Variants in QRICH1 observed in about 807,000 individuals in gnomAD.
QRICH1 encodes the protein glutamine rich 1, also known as transcriptional regulator QRICH1.
A neutral mutation model predicts 87.1 loss-of-function variants in QRICH1; 16 were observed. The observed-to-expected ratio is 0.18, with a 90% CI of 0.12 to 0.28. QRICH1 has a LOEUF of 0.28. Ranked by LOEUF, QRICH1 falls within the 10% of genes least tolerant of loss-of-function variation. QRICH1 has a pLI of 1.00. For missense variants in QRICH1, 647 were observed against 951.7 expected (o/e 0.68, Z 4.21); for synonymous variants, 367 against 368.4 (o/e 1.00, Z 0.05).
chr3:49,032,315 A>G (rs1376518580), intron 8 of QRICH1, 42 bp from the exon 9 acceptor site: 1 of 1,498,122 alleles, frequency 6.7e-7, no homozygotes, highest in African/African-American at 1.4e-5. Context: ...CTGGCATCAG[A>G]CTGCCTTACC....
intron 1 of QRICH1, among the ~76,000 whole-genome samples, chr3:49,082,951 G>A (rs75277505): frequency 6.6e-6 from 1 of 151,104 alleles, no homozygotes; most frequent in East Asian, 1.9e-4. Flanking sequence ...TGTAATCCTA[G>A]CACTATGGAC....
chr3:49,078,142 T>C (rs1003142633), intron 1 of QRICH1, among the ~76,000 whole-genome samples: 1 of 152,174 alleles, frequency 6.6e-6, no homozygotes, highest in African/African-American at 2.4e-5. Flanking sequence ...CAATTCTGAA[T>C]GTCTGGAAAG....
intron 2 of QRICH1, among the ~76,000 whole-genome samples, chr3:49,072,006 T>C (rs1239550498): frequency 6.6e-6 from 1 of 152,150 alleles, no homozygotes; most frequent in Non-Finnish European, 1.5e-5. Flanking sequence ...CTTCTTTTAC[T>C]TAACCTTTCC....
At chr3:49,060,594 T>G (rs1425516772) in intron 2 of QRICH1, among the ~76,000 whole-genome samples, 2 of 152,098 alleles carry the variant, frequency 1.3e-5, no homozygotes, top group African/African-American at 4.8e-5. Flanking sequence ...CCTCCCAAAG[T>G]GCTGGGATTA....
intron 2 of QRICH1, among the ~76,000 whole-genome samples, chr3:49,068,319 T>C (rs1162734414): frequency 6.6e-6 from 1 of 152,004 alleles, no homozygotes; most frequent in Non-Finnish European, 1.5e-5. Flanking sequence ...ATTGTGCCAC[T>C]CTACTCTGTA....
intron 9 of QRICH1, 86 bp from the exon 10 acceptor site, chr3:49,030,730 A>C: frequency 8.4e-7 from 1 of 1,187,164 alleles, no homozygotes; most frequent in Non-Finnish European, 1.2e-6. Flanking sequence ...TGCTGTCTGC[A>C]AACAGTAAGG....
In QRICH1 at chr3:49,080,033, A is replaced by AC. The variant is rs1439443859; in HGVS notation, c.-21-2996_-21-2995insG. 1.3e-5 allele frequency among the ~76,000 whole-genome samples: 2 copies of AC among 151,754 alleles called. 1 individual carries two copies. The stretch of plus-strand genomic sequence containing the variant: ...GCCAGACTGAGACTCTATCTCAAAA[A>AC]AAAAAAAAAAGGCATCTTTCATAAT... On this transcript the variant is annotated intron_variant, in intron 1 of 9. Coordinates refer to ENST00000395443, the MANE Select transcript of QRICH1 (RefSeq NM_198880.3).
At chr3:49,032,348 AG>A in intron 8 of QRICH1, 75 bp from the exon 9 acceptor site, 4 of 1,063,310 alleles carry the variant, frequency 3.8e-6, no homozygotes, top group Non-Finnish European at 5.7e-6. Context: ...CAGGAAACTT[AG>A]GCTTTCAGCC....
chr3:49,083,796 CT>C (rs1315081636), intron 1 of QRICH1, among the ~76,000 whole-genome samples: 3 of 151,360 alleles, frequency 2.0e-5, no homozygotes, highest in Non-Finnish European at 4.4e-5. Context: ...AGGTGTGGTG[CT>C]GCATACCTGT....
chr3:49,036,750 T>C (rs1026213824), intron 6 of QRICH1, among the ~76,000 whole-genome samples: 3 of 151,362 alleles, frequency 2.0e-5, no homozygotes, highest in African/African-American at 7.3e-5. Context: ...TATACCATCA[T>C]GAACCCAAAG....
intron 1 of QRICH1, among the ~76,000 whole-genome samples, chr3:49,086,250 TTTTTC>T (rs2042164198): frequency 2.0e-5 from 3 of 149,230 alleles, no homozygotes; most frequent in African/African-American, 5.1e-5. Context: ...TATCTCCCTC[TTTTTC>T]TTTTTCTTTT....
At chr3:49,061,387 A>C (rs2093433932) in intron 2 of QRICH1, among the ~76,000 whole-genome samples, 1 of 152,126 alleles carries the variant, frequency 6.6e-6, no homozygotes, top group Non-Finnish European at 1.5e-5. Context: ...AACCTGGATG[A>C]CATGTTTCTG....
At chr3:49,052,566 C>A (rs972722278) in intron 3 of QRICH1, among the ~76,000 whole-genome samples, 1 of 152,150 alleles carries the variant, frequency 6.6e-6, no homozygotes, top group Non-Finnish European at 1.5e-5. Flanking sequence ...AGTGCAGTGG[C>A]GCGATCTCGG....
chr3:49,077,981 A>G (rs2041983979), intron 1 of QRICH1, among the ~76,000 whole-genome samples: 1 of 152,194 alleles, frequency 6.6e-6, no homozygotes, highest in Non-Finnish European at 1.5e-5. Flanking sequence ...CATCTGAGGG[A>G]AAAGTGTGCA....
intron 6 of QRICH1, among the ~76,000 whole-genome samples, chr3:49,034,771 T>C (rs193035732): frequency 4.6e-5 from 7 of 152,330 alleles, no homozygotes; most frequent in Admixed American, 2.6e-4. Flanking sequence ...AAGATGACAT[T>C]TGAATGACTA....
intron 6 of QRICH1, among the ~76,000 whole-genome samples, chr3:49,040,704 G>A (rs779007212): frequency 3.9e-5 from 6 of 152,078 alleles, no homozygotes; most frequent in Non-Finnish European, 7.4e-5. Flanking sequence ...GGATATTTGC[G>A]TGAACACAAG....
At chr3:49,090,544 C>A (rs1423657160) in intron 1 of QRICH1, among the ~76,000 whole-genome samples, 18 of 148,890 alleles carry the variant, frequency 1.2e-4, no homozygotes, top group Non-Finnish European at 1.9e-4. Flanking sequence ...AGGAGAATTG[C>A]TTGAACCCGG....
Position 49,030,071 on chromosome 3 carries a change from A to T in QRICH1, c.*381T>A. 3.1e-6 allele frequency: 1 copy of T among 323,724 alleles called. No homozygotes were observed. The highest frequency in any genetic ancestry group is 5.6e-6 in the Non-Finnish European group (1 of 178,666). The allele number at this position is 323,724 out of a possible 1,614,324, so 20.1% of individuals were successfully genotyped here. ...TCAGCAAAGTCTGTCAGCCCAGTGG[A>T]AGTCGGCTGGGGAGATTCCCTCCAG... On this transcript the variant is annotated 3_prime_UTR_variant, in exon 10 of 10. Coordinates refer to ENST00000395443, the MANE Select transcript of QRICH1 (RefSeq NM_198880.3).
At chr3:49,080,573 T>C (rs1205513978) in intron 1 of QRICH1, among the ~76,000 whole-genome samples, 2 of 152,248 alleles carry the variant, frequency 1.3e-5, no homozygotes, top group East Asian at 1.9e-4. Context: ...TTCGTGACTA[T>C]TGCCCAGTAA....
Sources: gnomAD v4.1 joint callset for allele counts (sites outside exome capture counted in the v4.1 genomes callset) on GRCh38, gnomAD v4.1.1 for gene constraint, MANE v1.5 for transcripts, NCBI Gene and HGNC (gene_info 2026-07-23, HGNC 2026-07-21) for gene names.